The following INSC variants were observed in gnomAD, a reference collection of about 807,000 sequenced individuals.
INSC encodes INSC spindle orientation adaptor protein, also known as protein inscuteable homolog.
A neutral mutation model predicts 58.6 loss-of-function variants in INSC; 67 were observed. The ratio of observed to expected loss-of-function variants is 1.14; its 90% CI spans 0.94 to 1.40. The LOEUF (loss-of-function observed/expected upper bound fraction) is 1.40. INSC is among the 40% of genes most tolerant of loss of function. The probability of loss-of-function intolerance (pLI) is 0.00; values close to 1 mark genes in which losing one functional copy is unlikely to be tolerated. For synonymous variants in INSC, 262 were observed against 276.1 expected, an observed-to-expected ratio of 0.95 and a Z score of 0.51; for missense variants, 714 against 692.0, an observed-to-expected ratio of 1.03 and a Z score of -0.36.
At chr11:15,152,062 A>T (rs1848671145) in intron 2 of INSC, among the ~76,000 whole-genome samples, 1 of 152,204 alleles carries the variant, frequency 6.6e-6, no homozygotes, top group Admixed American at 6.5e-5. Context: ...CTTCACTATG[A>T]CCCATGTGTA....
At chr11:15,137,765 C>G (rs760094306) in intron 1 of INSC, among the ~76,000 whole-genome samples, 1 of 152,178 alleles carries the variant, frequency 6.6e-6, no homozygotes, top group Non-Finnish European at 1.5e-5. Context: ...CAAACTTCCT[C>G]CATATCAGAA....
At chr11:15,147,257 T>C (rs1453730488) in intron 1 of INSC, among the ~76,000 whole-genome samples, 2 of 152,150 alleles carry the variant, frequency 1.3e-5, no homozygotes, top group Non-Finnish European at 2.9e-5. Context: ...GCTCACCAGA[T>C]TCCAAAAATA....
At chr11:15,116,605 G>A (rs575882906) in intron 1 of INSC, among the ~76,000 whole-genome samples, 1 of 152,066 alleles carries the variant, frequency 6.6e-6, no homozygotes, top group East Asian at 1.9e-4. Flanking sequence ...TTCTAGACCT[G>A]TCCCATCCTG....
intron 7 of INSC, among the ~76,000 whole-genome samples, chr11:15,208,838 C>T (rs914618003): frequency 6.6e-5 from 10 of 152,188 alleles, no homozygotes; most frequent in Non-Finnish European, 1.2e-4. Flanking sequence ...CCAGTGGCCG[C>T]TCCATCAGGC....
chr11:15,193,180 CCTTA>C (rs202187796), intron 6 of INSC, among the ~76,000 whole-genome samples: 3 of 152,190 alleles, frequency 2.0e-5, no homozygotes, highest in African/African-American at 7.2e-5. Flanking sequence ...ATTATTGGGG[CCTTA>C]CTTAAGTAAA....
chr11:15,178,600 GTGA>G (rs1000209815), intron 5 of INSC, among the ~76,000 whole-genome samples, 153 bp downstream of exon 5: 1 of 152,084 alleles, frequency 6.6e-6, no homozygotes, highest in Non-Finnish European at 1.5e-5. Context: ...TCCAGCATTT[GTGA>G]AACAAAACTG....
intron 1 of INSC, among the ~76,000 whole-genome samples, chr11:15,147,368 T>C (rs1274926895): frequency 6.6e-6 from 1 of 152,252 alleles, no homozygotes; most frequent in African/African-American, 2.4e-5. Context: ...GTATCTCATT[T>C]TCTGCATCTC....
the INSC span, among the ~76,000 whole-genome samples, chr11:15,252,414 A>T: frequency 6.6e-6 from 1 of 152,258 alleles, no homozygotes; most frequent in South Asian, 2.1e-4. Flanking sequence ...TGTGTCAGCC[A>T]GGGCTGCGAT....
At chr11:15,250,874 C>G (rs769930088), downstream of INSC, among the ~76,000 whole-genome samples, 1 of 152,208 alleles carries the variant, frequency 6.6e-6, no homozygotes, top group Non-Finnish European at 1.5e-5. Context: ...AATGGCAGAG[C>G]AAGGGCTCCC....
chr11:15,180,901 A>G (rs1849756017), intron 5 of INSC, among the ~76,000 whole-genome samples: 1 of 152,196 alleles, frequency 6.6e-6, no homozygotes, highest in South Asian at 2.1e-4. Flanking sequence ...AAGTTTCCAT[A>G]CAGGGCAGCA....
At chr11:15,114,131 G>A (rs540254920), upstream of INSC, among the ~76,000 whole-genome samples, 5 of 151,516 alleles carry the variant, frequency 3.3e-5, no homozygotes, top group Admixed American at 3.3e-4. Context: ...GGCGGGGGAG[G>A]GGGAGTTGTA....
intron 1 of INSC, among the ~76,000 whole-genome samples, chr11:15,132,620 T>C (rs1213752607): frequency 6.6e-6 from 1 of 152,172 alleles, no homozygotes. Context: ...TTTCTTTGGA[T>C]TTACCCACAG....
intron 2 of INSC, among the ~76,000 whole-genome samples, chr11:15,154,815 A>T (rs936372235): frequency 2.7e-5 from 4 of 150,286 alleles, no homozygotes; most frequent in Non-Finnish European, 5.9e-5. Flanking sequence ...TTTTTTTTGG[A>T]CAAAAATAAC....
At chr11:15,142,687 G>A (rs1396577074) in intron 1 of INSC, among the ~76,000 whole-genome samples, 4 of 152,216 alleles carry the variant, frequency 2.6e-5, no homozygotes, top group African/African-American at 9.6e-5. Context: ...AGAGCTGGGA[G>A]TGGAGAGGGA....
chr11:15,178,124 C>T (rs1414062023), intron 4 of INSC, among the ~76,000 whole-genome samples, 200 bp from the exon 5 acceptor site: 1 of 152,086 alleles, frequency 6.6e-6, no homozygotes, highest in Non-Finnish European at 1.5e-5. Flanking sequence ...ACTGGTAGTC[C>T]TCATCTCAGG....
chr11:15,167,549 C>T lies in INSC; in HGVS notation c.57-8192C>T, dbSNP rs185740532. ...CATAATAGCTCACTGCAGCCTTGAC[C>T]TCCTGGGCTCAAGTGATCCTCCTGC... is the stretch of plus-strand genomic sequence containing the variant. On this transcript the variant is annotated intron_variant, in intron 2 of 12. Transcript: ENST00000379556. Among the ~76,000 whole-genome samples, 219 of 152,084 alleles carry T rather than the reference C, an allele frequency of 1.4e-3. 3 individuals carry two copies. Among genetic ancestry groups the T allele is most frequent in the Non-Finnish European group, 4.9e-4 (33 of 67,984 alleles).
intron 4 of INSC, 81 bp from the exon 5 acceptor site, chr11:15,178,243 G>T: frequency 2.6e-6 from 4 of 1,563,442 alleles, no homozygotes; most frequent in Non-Finnish European, 2.6e-6. Context: ...CTTGTAGCAG[G>T]TCCAGTTCTG....
chr11:15,159,584 G>A (rs144591429), intron 2 of INSC, among the ~76,000 whole-genome samples: 253 of 152,288 alleles, frequency 1.7e-3, no homozygotes, highest in African/African-American at 4.2e-3. Context: ...TGACAGTACT[G>A]CACATGACAT....
At chr11:15,179,037 G>A (rs950403375) in intron 5 of INSC, among the ~76,000 whole-genome samples, 1 of 152,174 alleles carries the variant, frequency 6.6e-6, no homozygotes, top group Non-Finnish European at 1.5e-5. Context: ...CTCTAGGCAG[G>A]CTTGTGCTTG....
Sources: allele counts gnomAD v4.1 joint callset (sites outside exome capture counted in the v4.1 genomes callset), GRCh38; gene constraint gnomAD v4.1.1; transcripts MANE v1.5; gene names NCBI Gene and HGNC (gene_info 2026-07-23, HGNC 2026-07-21).